INPP4B: variants seen among roughly 807,000 people sequenced by gnomAD.
INPP4B encodes the protein inositol polyphosphate-4-phosphatase type II B, also known as inositol polyphosphate 4-phosphatase type II.
In INPP4B, 55 loss-of-function variants were observed where a neutral mutation model predicts 122.5. The observed-to-expected ratio is 0.45, with a 90% CI of 0.36 to 0.56. The LOEUF (loss-of-function observed/expected upper bound fraction) is 0.56, where lower values mean the gene tolerates loss of function less well. Among genes scored for constraint, INPP4B ranks in the 20% least tolerant of loss-of-function variants. The probability of loss-of-function intolerance (pLI) is 0.00; values close to 1 mark genes in which losing one functional copy is unlikely to be tolerated. For synonymous variants in INPP4B, 403 were observed against 388.7 expected, an observed-to-expected ratio of 1.04 and a Z score of -0.43; for missense variants, 1,000 against 1,097.7, an observed-to-expected ratio of 0.91 and a Z score of 1.26.
intron 2 of INPP4B, among the ~76,000 whole-genome samples, chr4:142,702,591 G>T (rs374187487): frequency 1.3e-5 from 2 of 151,822 alleles, no homozygotes; most frequent in Non-Finnish European, 2.9e-5. Context: ...TTAGCTGGGC[G>T]TGGTGGTGCA....
chr4:142,479,050 A>G (rs564267821), intron 2 of INPP4B, among the ~76,000 whole-genome samples: 6 of 152,340 alleles, frequency 3.9e-5, no homozygotes, highest in Non-Finnish European at 8.8e-5. Context: ...AGGGGAAAAA[A>G]TATTTGGAAA....
At chr4:142,468,335 G>A (rs151134453) in intron 2 of INPP4B, among the ~76,000 whole-genome samples, 37 of 152,250 alleles carry the variant, frequency 2.4e-4, no homozygotes, top group East Asian at 1.6e-3. Flanking sequence ...ATCAGTGAGA[G>A]GTTTTGGGAT....
intron 12 of INPP4B, among the ~76,000 whole-genome samples, chr4:142,227,955 G>T (rs1160972394): frequency 6.7e-6 from 1 of 149,000 alleles, no homozygotes; most frequent in Admixed American, 6.7e-5. Flanking sequence ...TTTAAACCAA[G>T]GGTAAAAACA....
At chr4:142,696,335 C>A (rs1163467558) in intron 2 of INPP4B, among the ~76,000 whole-genome samples, 1 of 152,136 alleles carries the variant, frequency 6.6e-6, no homozygotes, top group African/African-American at 2.4e-5. Context: ...ATGCAACAAC[C>A]CACCTTGTTC....
chr4:142,567,950 T>C (rs181378742), intron 2 of INPP4B, among the ~76,000 whole-genome samples: 68 of 152,262 alleles, frequency 4.5e-4, no homozygotes, highest in African/African-American at 1.4e-3. Context: ...CAAACAATCA[T>C]ATTTTTCAAA....
intron 7 of INPP4B, among the ~76,000 whole-genome samples, chr4:142,319,829 T>C (rs914443747): frequency 2.0e-5 from 3 of 152,224 alleles, no homozygotes; most frequent in African/African-American, 4.8e-5. Flanking sequence ...AGCTTTCTAC[T>C]GGTGTGTAAC....
At chr4:142,430,641 T>C (rs191714748) in intron 4 of INPP4B, among the ~76,000 whole-genome samples, 9 of 152,262 alleles carry the variant, frequency 5.9e-5, no homozygotes, top group East Asian at 5.8e-4. Context: ...CCAATTTTAA[T>C]GTTCACATGC....
chr4:142,674,299 T>C (rs557878967), intron 2 of INPP4B, among the ~76,000 whole-genome samples: 7 of 152,218 alleles, frequency 4.6e-5, no homozygotes, highest in African/African-American at 1.7e-4. Flanking sequence ...GGGTCTTCTG[T>C]CCAAAGATGT....
chr4:142,037,372 C>T (rs1744634638), intron 25 of INPP4B, among the ~76,000 whole-genome samples: 1 of 152,160 alleles, frequency 6.6e-6, no homozygotes, highest in African/African-American at 2.4e-5. Flanking sequence ...TCACAAGTCA[C>T]ACCCATCACA....
chr4:142,234,075 G>A (rs1161117691), intron 12 of INPP4B, among the ~76,000 whole-genome samples: 2 of 152,096 alleles, frequency 1.3e-5, no homozygotes. Flanking sequence ...CCTGATTTTA[G>A]CATGTAAAAG....
chr4:142,550,725 T>C (rs967633110), intron 2 of INPP4B, among the ~76,000 whole-genome samples: 4 of 151,926 alleles, frequency 2.6e-5, no homozygotes, highest in African/African-American at 7.3e-5. Context: ...TGCAAAGTAC[T>C]AGGGGACCAA....
At chr4:142,372,892 T>C (rs967387429) in intron 7 of INPP4B, among the ~76,000 whole-genome samples, 41 of 151,994 alleles carry the variant, frequency 2.7e-4, no homozygotes, top group Admixed American at 6.6e-5. Flanking sequence ...AAATAGGAAT[T>C]CATATGATTA....
intron 2 of INPP4B, among the ~76,000 whole-genome samples, chr4:142,575,592 G>A (rs537532197): frequency 6.6e-6 from 1 of 152,090 alleles, no homozygotes; most frequent in Admixed American, 6.6e-5. Context: ...AATCAGAATA[G>A]GTAATTCACA....
intron 2 of INPP4B, among the ~76,000 whole-genome samples, chr4:142,577,537 G>A (rs138373713): frequency 2.6e-5 from 4 of 152,108 alleles, no homozygotes; most frequent in African/African-American, 4.8e-5. Context: ...TCATGGAGTC[G>A]TGGATTGAGA....
At chr4:142,383,613 C>A (rs763802946) in intron 7 of INPP4B, among the ~76,000 whole-genome samples, 1 of 151,824 alleles carries the variant, frequency 6.6e-6, no homozygotes. Context: ...CAATAGTATC[C>A]CATGATGCTT....
chr4:142,466,964 T>G (rs1018900694), intron 2 of INPP4B, among the ~76,000 whole-genome samples: 1 of 152,212 alleles, frequency 6.6e-6, no homozygotes, highest in Admixed American at 6.5e-5. Context: ...AGCCTGCAGG[T>G]GCACAGAATG....
At chr4:142,362,650 C>T (rs554826203) in intron 7 of INPP4B, among the ~76,000 whole-genome samples, 3 of 149,592 alleles carry the variant, frequency 2.0e-5, no homozygotes, top group African/African-American at 7.4e-5. Flanking sequence ...TGGAATATTA[C>T]ACAGCCATAA....
chr4:142,307,452 C>T (rs1467964785), intron 8 of INPP4B, among the ~76,000 whole-genome samples: 3 of 152,168 alleles, frequency 2.0e-5, no homozygotes, highest in Non-Finnish European at 4.4e-5. Context: ...GATAACCCCC[C>T]ACTGCATAGC....
rs34425745 is a variant in INPP4B, at chr4:142,537,400, G to GTATATATA, written c.-190-74682_-190-74675dup. Reference sequence around the variant, plus strand: ...TCAGAGACCAGAGATTTTACATACAGTATATATATATATATATATATATAT... The same window carrying GTATATATA: ...TCAGAGACCAGAGATTTTACATACAGTATATATATATATATATATATATATATATATAT... On this transcript the variant is annotated intron_variant, in intron 2 of 25. Transcript: ENST00000262992. Among the ~76,000 whole-genome samples the GTATATATA allele has an allele frequency of 4.6e-3, 153 of 32,928 alleles. 7 individuals carry two copies. The highest frequency in any genetic ancestry group is 5.8e-3 in the African/African-American group (59 of 10,120). The allele number at this position is 32,928 out of a possible 152,430, so 21.6% of individuals were successfully genotyped here. A position where few individuals can be genotyped will look rare whatever the true frequency, so the allele number is the denominator to read the frequency against.
Sources: gnomAD v4.1 joint callset for allele counts (sites outside exome capture counted in the v4.1 genomes callset) on GRCh38, gnomAD v4.1.1 for gene constraint, MANE v1.5 for transcripts, NCBI Gene and HGNC (gene_info 2026-07-23, HGNC 2026-07-21) for gene names.